PNN: variants seen among roughly 807,000 people sequenced by gnomAD.
The protein encoded by PNN is pinin.
Under a neutral mutation model 76.6 loss-of-function variants are expected in PNN, and 38 were observed. That is an observed-to-expected ratio of 0.50 (90% CI 0.38 to 0.65). The LOEUF (loss-of-function observed/expected upper bound fraction) is 0.65. PNN is among the 30% of genes least tolerant of loss of function. The pLI, the probability that PNN is intolerant of heterozygous loss-of-function variation, is 0.00. For synonymous variants in PNN, 366 were observed against 283.7 expected, an observed-to-expected ratio of 1.29 and a Z score of -2.91; for missense variants, 873 against 874.1, an observed-to-expected ratio of 1.00 and a Z score of 0.02.
chr14:39,180,926 T>C lies in PNN; in HGVS notation c.1217T>C (p.Met406Thr). Residue 406 changes from methionine (M) to threonine (T), a missense_variant, in exon 9 of 9, where the codon ATG (methionine) becomes ACG (threonine). Transcript: ENST00000216832. ...VKHVIADQEV[M>T]ETNRVESVEP... Reference sequence around the variant, plus strand: ...CATGTAATTGCTGACCAGGAGGTAATGGAAACTAATCGAGTTGAAAGTGTA... The same window carrying C: ...CATGTAATTGCTGACCAGGAGGTAACGGAAACTAATCGAGTTGAAAGTGTA... The C allele has an allele frequency of 6.2e-7, 1 of 1,614,014 alleles. No homozygotes were observed. Among genetic ancestry groups the C allele is most frequent in the Non-Finnish European group, 8.5e-7 (1 of 1,179,996 alleles).
chr14:39,176,131 G>T lies in PNN; in HGVS notation c.167G>T (p.Arg56Leu). 6.2e-7 allele frequency: 1 copy of T among 1,601,474 alleles called. No homozygotes were observed. Among genetic ancestry groups the T allele is most frequent in the Non-Finnish European group, 8.6e-7 (1 of 1,168,590 alleles). ...TCTGGTCCTGGTGGAGGTAGAGGAC[G>T]TGGTAGTTTATTACTGAGGTAAGAT... ...ALSGPGGGRGRGSLLLRRGFS... is the reference protein window; with the variant it reads ...ALSGPGGGRGLGSLLLRRGFS... The change falls in exon 2 of 9, where the codon CGT (arginine) becomes CTT (leucine). Residue 56 changes from arginine to leucine, a missense_variant. Arg to Leu is a moderately radical substitution (Grantham distance 102, BLOSUM62 -2). Around this residue, in one of 3 missense-constraint regions of PNN, gnomAD observed 156 missense variants for 161.7 expected, o/e 0.96. Coordinates refer to ENST00000216832, the MANE Select transcript of PNN (RefSeq NM_002687.4).
chr14:39,178,392 G>A (rs556940539), intron 6 of PNN, among the ~76,000 whole-genome samples: 3 of 152,184 alleles, frequency 2.0e-5, no homozygotes, highest in Non-Finnish European at 4.4e-5. Context: ...TTAGCCGCCT[G>A]TGGTGGCATG....
At position 39,179,329 on chromosome 14, in the gene PNN, A is replaced by G; in HGVS notation, c.660A>G (p.Glu220=). The change falls in exon 8 of 9, where the codon GAA becomes GAG. Residue 220 remains glutamate (E), a synonymous_variant. Coordinates refer to ENST00000216832, the MANE Select transcript of PNN (RefSeq NM_002687.4). ...ACCCTTTACCTTTTCTTTAGCAAGA[A>G]GAATGGAATGAACATAATGCCAAAA... ...EQKVELAQLQ[E]EWNEHNAKII... The G allele has an allele frequency of 6.2e-7, 1 of 1,609,536 alleles. No homozygotes were observed. Among genetic ancestry groups the G allele is most frequent in the Non-Finnish European group, 8.5e-7 (1 of 1,178,874 alleles).
Position 39,181,908 on chromosome 14 carries a change from T to C in PNN, c.*45T>C, listed in dbSNP as rs751201343. 2.1e-5 allele frequency: 32 copies of C among 1,512,554 alleles called. No individual in the cohort carries two copies. Among genetic ancestry groups the C allele is most frequent in the Non-Finnish European group, 2.7e-5 (31 of 1,138,782 alleles). 93.7% of individuals were successfully genotyped at this position (1,512,554 alleles called of 1,614,324 possible). A position where few individuals can be genotyped will look rare whatever the true frequency, so the allele number is the denominator to read the frequency against. ...TTAGCCATTCTTTGCAGCAGAAGAT[T>C]TCTTGATAAAAAAGGATTACCTTTC... On this transcript the variant is annotated 3_prime_UTR_variant, in exon 9 of 9. Coordinates refer to ENST00000216832, the MANE Select transcript of PNN (RefSeq NM_002687.4).
chr14:39,176,322 A>G (rs2053223671), intron 2 of PNN, 173 bp downstream of exon 2: 1 of 628,620 alleles, frequency 1.6e-6, no homozygotes, highest in Admixed American at 3.2e-5. Flanking sequence ...GAAAAACTGG[A>G]GGTTGAAGAA....
At chr14:39,176,228 A>G (rs988863598) in intron 2 of PNN, 79 bp downstream of exon 2, 7 of 815,586 alleles carry the variant, frequency 8.6e-6, no homozygotes, top group South Asian at 1.4e-5. Flanking sequence ...AAAACCTGTG[A>G]TAAAATCAAT....
intron 1 of PNN, chr14:39,175,632 C>T (rs2053214340): frequency 7.4e-6 from 4 of 541,010 alleles, no homozygotes; most frequent in East Asian, 3.4e-5. Flanking sequence ...GGCATGCTTT[C>T]TTGGCCTGTG....
At position 39,181,739 on chromosome 14, in the gene PNN, G is replaced by A. The variant is rs746979692; in HGVS notation, c.2030G>A (p.Gly677Glu). ...GGTGGTAGTAGTAGAGATACAAAAG[G>A]ATCAAAGGATAAGAATTCCCGGTCC... ...SKGGSSRDTK[G>E]SKDKNSRSDR... The change falls in exon 9 of 9, where the codon GGA (glycine) becomes GAA (glutamate). Residue 677 changes from glycine (G) to glutamate (E), a missense_variant. Coordinates refer to ENST00000216832, the MANE Select transcript of PNN (RefSeq NM_002687.4). The A allele has an allele frequency of 3.7e-6, 6 of 1,614,118 alleles. No homozygotes were observed. The highest frequency in any genetic ancestry group is 5.1e-6 in the Non-Finnish European group (6 of 1,180,022).
chr14:39,179,768 G>C (rs779762763), intron 8 of PNN, among the ~76,000 whole-genome samples: 2 of 152,050 alleles, frequency 1.3e-5, no homozygotes, highest in Non-Finnish European at 2.9e-5. Flanking sequence ...TGGGCATGGT[G>C]GTGGGCACCT....
Position 39,180,627 on chromosome 14 carries a change from A to G in PNN, c.918A>G (p.Glu306=), listed in dbSNP as rs2053262052. The G allele has an allele frequency of 6.2e-7, 1 of 1,613,890 alleles. No individual in the cohort carries two copies. The change falls in exon 9 of 9, where the codon GAA becomes GAG. Residue 306 remains glutamate (E), a synonymous_variant. Transcript: ENST00000216832. ...QVVRNEEQKA[E]QEEGKVAQRE... ...TGCGTAATGAAGAACAGAAGGCGGA[A>G]CAAGAAGAGGGTAAGGTGGCTCAGC...
In PNN at chr14:39,179,593, A is replaced by G. The variant is rs1022960751; in HGVS notation, c.793+131A>G. On this transcript the variant is annotated intron_variant, in intron 8 of 8. Transcript: ENST00000216832. ...CTGTGTTTGCTTTTTTTTTTTAAAT[A>G]AGATAATAAGATATTCTAGGCCGGG... 7.5e-5 allele frequency: 60 copies of G among 799,378 alleles called. 1 individual carries two copies. In the South Asian group the frequency reaches 1.2e-3, roughly 16 times the overall value. The allele number at this position is 799,378 out of a possible 1,614,324, so 49.5% of individuals were successfully genotyped here.
chr14:39,177,071 A>G (rs985255260), intron 3 of PNN, among the ~76,000 whole-genome samples: 1 of 152,326 alleles, frequency 6.6e-6, no homozygotes, highest in South Asian at 2.1e-4. Flanking sequence ...GCAGTTACAT[A>G]AATACCTCAG....
At chr14:39,179,727 A>G (rs2053256006) in intron 8 of PNN, among the ~76,000 whole-genome samples, 1 of 151,940 alleles carries the variant, frequency 6.6e-6, no homozygotes, top group African/African-American at 2.4e-5. Context: ...CCCCGTCTCT[A>G]GTCTCTACTA....
chr14:39,180,428 G>A, intron 8 of PNN, 75 bp from the exon 9 acceptor site: 2 of 1,420,388 alleles, frequency 1.4e-6, no homozygotes, highest in Non-Finnish European at 1.9e-6. Context: ...ATGACAATTT[G>A]TGACCAGTTA....
chr14:39,177,557 T>A (rs2053237902), intron 4 of PNN, 36 bp from the exon 5 acceptor site: 1 of 1,597,766 alleles, frequency 6.3e-7, no homozygotes, highest in African/African-American at 1.3e-5. Context: ...ACCACTCATA[T>A]GCTAGTTAAA....
In PNN at chr14:39,177,516, A is replaced by G. The variant is rs376520639; in HGVS notation, c.327+32A>G. Reference sequence around the variant, plus strand: ...AGATTGAAAGAACTTAAATGAATGTAGTACCTTCACTTTACTACATTTAAA... The same window carrying G: ...AGATTGAAAGAACTTAAATGAATGTGGTACCTTCACTTTACTACATTTAAA... On this transcript the variant is annotated intron_variant, in intron 4 of 8. Coordinates refer to ENST00000216832, the MANE Select transcript of PNN (RefSeq NM_002687.4). 2.8e-5 allele frequency: 44 copies of G among 1,598,750 alleles called. No individual in the cohort carries two copies. The African/African-American group carries it at 5.6e-4, about 20-fold the overall frequency.
At chr14:39,175,967 T>C in intron 1 of PNN, 111 bp from the exon 2 acceptor site, 1 of 654,198 alleles carries the variant, frequency 1.5e-6, no homozygotes, top group South Asian at 1.7e-5. Flanking sequence ...GAAACTATCT[T>C]TTTGGAACTT....
At chr14:39,178,062 A>G (rs2139401494) in intron 6 of PNN, 146 bp downstream of exon 6, 1 of 650,742 alleles carries the variant, frequency 1.5e-6, no homozygotes, top group South Asian at 1.9e-5. Flanking sequence ...TTAACTTCTT[A>G]TAGAACAGCT....
At chr14:39,179,954 A>G (rs968544882) in intron 8 of PNN, among the ~76,000 whole-genome samples, 3 of 151,950 alleles carry the variant, frequency 2.0e-5, no homozygotes, top group Non-Finnish European at 4.4e-5. Context: ...GTAGTATAGG[A>G]ATATTTGTAT....
Sources: gnomAD v4.1 joint callset for allele counts (sites outside exome capture counted in the v4.1 genomes callset) on GRCh38, gnomAD v4.1.1 for gene constraint, gnomAD v4.1.1 regional missense constraint, MANE v1.5 for transcripts, NCBI Gene and HGNC (gene_info 2026-07-23, HGNC 2026-07-21) for gene names.